ADGRB3: variants seen among roughly 807,000 people sequenced by gnomAD.
The protein encoded by ADGRB3 is adhesion G protein-coupled receptor B3, also known as brain-specific angiogenesis inhibitor 3.
ADGRB3 carries 37 observed loss-of-function variants against 193.4 expected under a neutral mutation model. The ratio of observed to expected loss-of-function variants is 0.19; its 90% confidence interval spans 0.15 to 0.25. The LOEUF (loss-of-function observed/expected upper bound fraction) is 0.25, where lower values mean the gene tolerates loss of function less well. Ranked by LOEUF, ADGRB3 falls within the 10% of genes least tolerant of loss-of-function variation. The pLI is 1.00. For missense variants in ADGRB3, 1,637 were observed against 1,852.9 expected, an observed-to-expected ratio of 0.88 and a Z score of 2.14; for synonymous variants, 690 against 644.2, an observed-to-expected ratio of 1.07 and a Z score of -1.08.
At chr6:69,084,163 GTCTGCTTTTCCC>G (rs1484515582) in intron 17 of ADGRB3, among the ~76,000 whole-genome samples, 8 of 152,032 alleles carry the variant, frequency 5.3e-5, no homozygotes, top group Admixed American at 1.3e-4. Context: ...TTTGTCTGCT[GTCTGCTTTTCCC>G]TCTGGCCCCA....
At chr6:68,802,987 CT>C (rs1377181668) in intron 3 of ADGRB3, among the ~76,000 whole-genome samples, 13 of 152,044 alleles carry the variant, frequency 8.6e-5, no homozygotes, top group Admixed American at 5.2e-4. Flanking sequence ...TCACTGGCCC[CT>C]GTCCCTCATT....
intron 3 of ADGRB3, among the ~76,000 whole-genome samples, chr6:68,913,328 G>T (rs897046818): frequency 2.0e-5 from 3 of 152,132 alleles, no homozygotes; most frequent in Non-Finnish European, 4.4e-5. Flanking sequence ...ACACGGCCGG[G>T]TACTCCTCTG....
At chr6:68,963,406 G>C (rs1356939284) in intron 8 of ADGRB3, among the ~76,000 whole-genome samples, 1 of 151,926 alleles carries the variant, frequency 6.6e-6, no homozygotes, top group South Asian at 2.1e-4. Context: ...TTATAGCCTT[G>C]TTCTTATGAC....
At chr6:68,840,824 A>C (rs1768143250) in intron 3 of ADGRB3, among the ~76,000 whole-genome samples, 1 of 152,210 alleles carries the variant, frequency 6.6e-6, no homozygotes, top group Admixed American at 6.5e-5. Context: ...AAATGGATAA[A>C]AAACAAGACC....
intron 3 of ADGRB3, among the ~76,000 whole-genome samples, chr6:68,826,900 C>A (rs867757659): frequency 2.0e-5 from 3 of 152,260 alleles, no homozygotes; most frequent in Non-Finnish European, 2.9e-5. Flanking sequence ...ATGGCCAGAA[C>A]TTGGAGAGGT....
intron 3 of ADGRB3, among the ~76,000 whole-genome samples, chr6:68,732,128 A>C (rs892062652): frequency 2.6e-5 from 4 of 151,794 alleles, no homozygotes; most frequent in African/African-American, 9.7e-5. Context: ...TAGTCTTTAA[A>C]ATTTTGTTCA....
At chr6:68,959,187 A>G (rs1360873834) in intron 8 of ADGRB3, among the ~76,000 whole-genome samples, 5 of 152,052 alleles carry the variant, frequency 3.3e-5, no homozygotes, top group East Asian at 1.9e-4. Flanking sequence ...ACTCTGTTCA[A>G]TGTCCTCTCT....
rs1479257757 is a variant in ADGRB3 at position 69,230,345 on chromosome 6, A to G, written c.2481-2945A>G. 2.6e-5 allele frequency among the ~76,000 whole-genome samples: 4 copies of G among 152,186 alleles called. No individual in the cohort carries two copies. In the East Asian group the frequency reaches 7.7e-4, roughly 29 times the overall value. ...ATATACATTTATTATAGCATGCAAA[A>G]CTGTGACATTGGAAGAATAATGTGA... is the stretch of plus-strand genomic sequence containing the variant. On this transcript the variant is annotated intron_variant, in intron 17 of 31. Coordinates refer to ENST00000370598, the MANE Select transcript of ADGRB3 (RefSeq NM_001704.3).
rs1185777115 is a variant in ADGRB3 at position 69,011,572 on chromosome 6, C to T, written c.1930-2466C>T. Among the ~76,000 whole-genome samples, 10 of 152,056 alleles carry T rather than the reference C, an allele frequency of 6.6e-5. No individual in the cohort carries two copies. In the East Asian group the frequency reaches 1.7e-3, roughly 26 times the overall value. ...GTGATGGAATCATTCATACTCCAAA[C>T]CTCAGCATCACACAATAAACCCAGG... On this transcript the variant is annotated intron_variant, in intron 11 of 31. Coordinates refer to ENST00000370598, the MANE Select transcript of ADGRB3 (RefSeq NM_001704.3).
chr6:69,287,451 G>GA (rs547404414), intron 20 of ADGRB3, among the ~76,000 whole-genome samples: 8 of 150,990 alleles, frequency 5.3e-5, no homozygotes, highest in South Asian at 2.1e-4. Context: ...ATGAGAAAAA[G>GA]AAAAAAAACT....
intron 20 of ADGRB3, among the ~76,000 whole-genome samples, chr6:69,294,320 A>C (rs534044456): frequency 6.6e-6 from 1 of 152,184 alleles, no homozygotes; most frequent in African/African-American, 2.4e-5. Flanking sequence ...TCTTTTTCTA[A>C]CACATGCACA....
At chr6:68,994,003 T>C (rs1430450439) in intron 11 of ADGRB3, 41 bp downstream of exon 11, 7 of 1,592,734 alleles carry the variant, frequency 4.4e-6, no homozygotes, top group Non-Finnish European at 6.0e-6. Flanking sequence ...CTAGTGAAGA[T>C]GCAATCAGTT....
At chr6:68,787,287 G>T (rs975837416) in intron 3 of ADGRB3, among the ~76,000 whole-genome samples, 1 of 152,034 alleles carries the variant, frequency 6.6e-6, no homozygotes, top group East Asian at 1.9e-4. Flanking sequence ...ATTGGCTGTG[G>T]GTTTGTCATA....
chr6:69,110,616 T>A, intron 17 of ADGRB3, among the ~76,000 whole-genome samples: 1 of 152,218 alleles, frequency 6.6e-6, no homozygotes, highest in South Asian at 2.1e-4. Context: ...TTTTCCTTTT[T>A]CTGATTAAAG....
At chr6:69,254,892 G>A (rs1194936972) in intron 20 of ADGRB3, among the ~76,000 whole-genome samples, 1 of 126,500 alleles carries the variant, frequency 7.9e-6, no homozygotes, top group Non-Finnish European at 1.6e-5. Flanking sequence ...AGAGTGTGAT[G>A]TTCCCCTTCC....
intron 20 of ADGRB3, among the ~76,000 whole-genome samples, chr6:69,266,354 A>G (rs1767039573): frequency 6.6e-6 from 1 of 151,944 alleles, no homozygotes; most frequent in South Asian, 2.1e-4. Context: ...TTCAATGTTT[A>G]TGTGCACTTT....
chr6:68,676,734 A>G (rs894346708), intron 3 of ADGRB3, among the ~76,000 whole-genome samples: 3 of 152,154 alleles, frequency 2.0e-5, no homozygotes, highest in Non-Finnish European at 4.4e-5. Context: ...GCTAAGTAAA[A>G]TGACTTTTTA....
intron 3 of ADGRB3, among the ~76,000 whole-genome samples, chr6:68,831,303 T>TAAA (rs60991980): frequency 8.9e-5 from 11 of 123,734 alleles, no homozygotes; most frequent in Admixed American, 1.7e-4. Flanking sequence ...TGGAGAAGAT[T>TAAA]AAAAAAAAAA....
chr6:68,920,841 A>T (rs901291677), intron 3 of ADGRB3, among the ~76,000 whole-genome samples: 18 of 152,324 alleles, frequency 1.2e-4, no homozygotes, highest in African/African-American at 3.1e-4. Context: ...CACAATGTAC[A>T]AATGTAATGG....
Sources: allele counts gnomAD v4.1 joint callset (sites outside exome capture counted in the v4.1 genomes callset), GRCh38; gene constraint gnomAD v4.1.1; transcripts MANE v1.5; gene names NCBI Gene and HGNC (gene_info 2026-07-23, HGNC 2026-07-21).